NUMA1: variants seen among roughly 807,000 people sequenced by gnomAD.
The protein encoded by NUMA1 is nuclear mitotic apparatus protein 1, also known as SP-H antigen.
Under a neutral mutation model 237.1 loss-of-function variants are expected in NUMA1, and 62 were observed. That is an observed-to-expected ratio of 0.26 (90% CI 0.21 to 0.32). The LOEUF (loss-of-function observed/expected upper bound fraction) is 0.32. Among genes scored for constraint, NUMA1 ranks in the 10% least tolerant of loss-of-function variants. NUMA1 has a pLI of 1.00. For missense variants in NUMA1, 2,533 were observed against 2,666.5 expected (o/e 0.95, Z 1.10); for synonymous variants, 1,028 against 1,066.1 (o/e 0.96, Z 0.70).
At chr11:72,076,926 G>C (rs761248339) in intron 1 of NUMA1, among the ~76,000 whole-genome samples, 30 of 151,910 alleles carry the variant, frequency 2.0e-4, no homozygotes, top group Non-Finnish European at 3.8e-4. Flanking sequence ...GAAAACATGA[G>C]ACAAAAACAA....
chr11:72,003,996 G>A lies in NUMA1; in HGVS notation c.6227C>T (p.Ala2076Val). ...RGASKKALSK[A>V]SPNTRSGTRR... ...GGTTCCACTGCGAGTGTTGGGGGAAGCCTTGGACAGGGCCTTCTTTGAGGC... is the reference window on the plus strand; with the variant it reads ...GGTTCCACTGCGAGTGTTGGGGGAAACCTTGGACAGGGCCTTCTTTGAGGC... The change falls in exon 26 of 27, where the codon GCT becomes GTT. Residue 2076 changes from alanine (A) to valine (V), a missense_variant. Physicochemically the swap from Ala to Val is moderately conservative, Grantham distance 64. This residue lies in a region of NUMA1 where 795 missense variants were observed against 750.8 expected (regional missense o/e 1.06). Coordinates refer to ENST00000393695, the MANE Select transcript of NUMA1 (RefSeq NM_006185.4). 1 of 1,613,520 alleles carries A rather than the reference G, an allele frequency of 6.2e-7. No individual in the cohort carries two copies. Among genetic ancestry groups the A allele is most frequent in the East Asian group, 2.2e-5 (1 of 44,874 alleles).
chr11:72,051,180 G>A (rs993209832), intron 2 of NUMA1, among the ~76,000 whole-genome samples: 8 of 151,986 alleles, frequency 5.3e-5, no homozygotes, highest in African/African-American at 1.5e-4. Flanking sequence ...GTGAGCCACC[G>A]TGCTGTCCTA....
intron 3 of NUMA1, 44 bp from the exon 4 acceptor site, chr11:72,029,334 C>CAG (rs1217499591): frequency 7.6e-7 from 1 of 1,316,374 alleles, no homozygotes; most frequent in South Asian, 1.2e-5. Context: ...TTAGAAGCAA[C>CAG]ATGGTTTGCT....
chr11:72,055,619 C>T (rs1364272043), intron 2 of NUMA1, among the ~76,000 whole-genome samples: 1 of 152,090 alleles, frequency 6.6e-6, no homozygotes, highest in African/African-American at 2.4e-5. Flanking sequence ...GTGTGTTCAC[C>T]TTGTGGAAAG....
At chr11:72,003,616 C>G (rs1955419505) in intron 26 of NUMA1, 78 bp from the exon 27 acceptor site, 9 of 1,570,064 alleles carry the variant, frequency 5.7e-6, no homozygotes, top group African/African-American at 1.3e-5. Context: ...AGATCTCTTC[C>G]TGCTCCCACG....
At position 72,002,936 on chromosome 11, in the gene NUMA1, C is replaced by T. The variant is rs1955358141; in HGVS notation, c.*591G>A. 4.3e-6 allele frequency: 1 copy of T among 232,764 alleles called. No homozygotes were observed. Among genetic ancestry groups the T allele is most frequent in the African/African-American group, 2.2e-5 (1 of 45,264 alleles). 14.4% of individuals were successfully genotyped at this position (232,764 alleles called of 1,614,324 possible). A position where few individuals can be genotyped will look rare whatever the true frequency, so the allele number is the denominator to read the frequency against. On this transcript the variant is annotated 3_prime_UTR_variant, in exon 27 of 27. Coordinates refer to ENST00000393695, the MANE Select transcript of NUMA1 (RefSeq NM_006185.4). ...AGATCCATCCCCGGCCCTTAAAAACCTTCCCATCACTCCAAATCCCACCCC... is the reference window on the plus strand; with the variant it reads ...AGATCCATCCCCGGCCCTTAAAAACTTTCCCATCACTCCAAATCCCACCCC...
intron 2 of NUMA1, among the ~76,000 whole-genome samples, chr11:72,051,421 G>C (rs1414623674): frequency 6.6e-6 from 1 of 151,502 alleles, no homozygotes; most frequent in Non-Finnish European, 1.5e-5. Context: ...AGGGATATTC[G>C]ACTATAAACA....
Position 72,003,495 on chromosome 11 carries a change from C to G in NUMA1, c.*32G>C. ...GACCAGGTGAGGTCAGCATCGGGGA[C>G]ACAGGTGGGGCCACTCACTGGTACT... is the stretch of plus-strand genomic sequence containing the variant. On this transcript the variant is annotated 3_prime_UTR_variant, in exon 27 of 27. Coordinates refer to ENST00000393695, the MANE Select transcript of NUMA1 (RefSeq NM_006185.4). The G allele has an allele frequency of 6.2e-7, 1 of 1,611,684 alleles. No homozygotes were observed. The highest frequency in any genetic ancestry group is 8.5e-7 in the Non-Finnish European group (1 of 1,177,774).
At chr11:72,035,847 C>T in intron 3 of NUMA1, 55 bp downstream of exon 3, 1 of 1,553,974 alleles carries the variant, frequency 6.4e-7, no homozygotes, top group Non-Finnish European at 8.9e-7. Context: ...CCTCTCCTAA[C>T]TCTCTCAAGC....
chr11:72,025,440 G>C (rs183612005), intron 4 of NUMA1, among the ~76,000 whole-genome samples: 33 of 152,206 alleles, frequency 2.2e-4, no homozygotes, highest in Admixed American at 1.8e-3. Context: ...CTAGTCCCTG[G>C]GATCCTGCTC....
chr11:72,028,876 T>TAGA (rs1203779235), intron 4 of NUMA1, among the ~76,000 whole-genome samples: 1 of 152,228 alleles, frequency 6.6e-6, no homozygotes, highest in African/African-American at 2.4e-5. Context: ...AGGAGGGTTG[T>TAGA]AGAAGCCTTC....
chr11:72,035,888 G>A lies in NUMA1; in HGVS notation c.42+14C>T. 1 of 1,613,578 alleles carries A rather than the reference G, an allele frequency of 6.2e-7. No homozygotes were observed. Among genetic ancestry groups the A allele is most frequent in the Non-Finnish European group, 8.5e-7 (1 of 1,179,556 alleles). On this transcript the variant is annotated intron_variant, in intron 3 of 26. Transcript: ENST00000393695. ...GGAGAAGTATAGCCAACAAAAGAGA[G>A]GAAGACTACTTACCCAAGAGAGGAG...
At chr11:72,054,193 C>T (rs376644988) in intron 2 of NUMA1, among the ~76,000 whole-genome samples, 63 of 152,254 alleles carry the variant, frequency 4.1e-4, no homozygotes, top group African/African-American at 1.4e-3. Flanking sequence ...TGGCTGGGCA[C>T]GGTGGCTCAC....
At position 72,004,748 on chromosome 11, in the gene NUMA1, G is replaced by T. The variant is rs1168214528; in HGVS notation, c.5898C>A (p.Arg1966=). 5 of 1,610,660 alleles carry T rather than the reference G, an allele frequency of 3.1e-6. No individual in the cohort carries two copies. Among genetic ancestry groups the T allele is most frequent in the Non-Finnish European group, 4.2e-6 (5 of 1,178,778 alleles). Reference sequence around the variant, plus strand: ...TCTGGATTGGCTGCATGCTGGCTCGGCGCAGGGTCTCTTGGGGGTCTCCAG... The same window carrying T: ...TCTGGATTGGCTGCATGCTGGCTCGTCGCAGGGTCTCTTGGGGGTCTCCAG... ...MKTGDPQETL[R]RASMQPIQIA... The change falls in exon 24 of 27, where the codon CGC becomes CGA. Residue 1966 remains arginine, a synonymous_variant. Transcript: ENST00000393695.
In NUMA1 at chr11:72,023,161, A is replaced by C; in HGVS notation, c.209-14T>G. 1 of 1,595,904 alleles carries C rather than the reference A, an allele frequency of 6.3e-7. No homozygotes were observed. Among genetic ancestry groups the C allele is most frequent in the Middle Eastern group, 1.7e-4 (1 of 6,032 alleles). On this transcript the variant is annotated splice_polypyrimidine_tract_variant and intron_variant, in intron 5 of 26. Coordinates refer to ENST00000393695, the MANE Select transcript of NUMA1 (RefSeq NM_006185.4). ...GTTTTCGATTTTCTGCAATGACAAC[A>C]ACGTAGAAAACAGGGTGAACTTCCT...
intron 13 of NUMA1, chr11:72,017,453 G>A (rs535952340): frequency 1.8e-6 from 1 of 559,466 alleles, no homozygotes; most frequent in South Asian, 2.1e-5. Flanking sequence ...GAACAGCAGA[G>A]ATAGGATTGA....
At chr11:72,078,680 C>G (rs1399229067) in intron 1 of NUMA1, among the ~76,000 whole-genome samples, 1 of 152,248 alleles carries the variant, frequency 6.6e-6, no homozygotes, top group Non-Finnish European at 1.5e-5. Context: ...AATTAGTCAT[C>G]CCTTGCTAGA....
intron 1 of NUMA1, among the ~76,000 whole-genome samples, chr11:72,077,264 A>ACTATATGCCCC (rs1354934924): frequency 6.6e-6 from 1 of 152,228 alleles, no homozygotes; most frequent in Admixed American, 6.5e-5. Context: ...TTAAGGAATT[A>ACTATATGCCCC]CTATATGCCC....
chr11:72,071,564 A>C (rs1325938523), intron 1 of NUMA1, among the ~76,000 whole-genome samples: 1 of 152,246 alleles, frequency 6.6e-6, no homozygotes, highest in Non-Finnish European at 1.5e-5. Context: ...AAAACTCAAT[A>C]AAAGACATCA....
Sources: gnomAD v4.1 joint callset for allele counts (sites outside exome capture counted in the v4.1 genomes callset) on GRCh38, gnomAD v4.1.1 for gene constraint, gnomAD v4.1.1 regional missense constraint, MANE v1.5 for transcripts, NCBI Gene and HGNC (gene_info 2026-07-23, HGNC 2026-07-21) for gene names.